Variants in ROBO2 observed in about 807,000 individuals in gnomAD.
The protein encoded by ROBO2 is roundabout homolog 2.
Under a neutral mutation model 160.8 loss-of-function variants are expected in ROBO2, and 53 were observed. The ratio of observed to expected loss-of-function variants is 0.33; its 90% confidence interval spans 0.26 to 0.41. The LOEUF (loss-of-function observed/expected upper bound fraction) is 0.41, where lower values mean the gene tolerates loss of function less well. Among genes scored for constraint, ROBO2 ranks in the 10% least tolerant of loss-of-function variants. The pLI, the probability that ROBO2 is intolerant of heterozygous loss-of-function variation, is 1.00. For synonymous variants in ROBO2, 664 were observed against 611.7 expected, an observed-to-expected ratio of 1.09 and a Z score of -1.26; for missense variants, 1,577 against 1,722.4, an observed-to-expected ratio of 0.92 and a Z score of 1.49.
intron 2 of ROBO2, among the ~76,000 whole-genome samples, chr3:76,248,940 A>G (rs1410347715): frequency 1.3e-5 from 2 of 152,104 alleles, no homozygotes; most frequent in Non-Finnish European, 2.9e-5. Flanking sequence ...ATATGTGTTC[A>G]ATCATCAAAA....
rs528789817 is a variant in ROBO2, at chr3:75,972,803, GA to G, written c.109+35205del. On this transcript the variant is annotated intron_variant, in intron 2 of 26. Coordinates refer to the ROBO2 transcript ENST00000487694. ...GTAACTCCATTGCGTAGTGGAGTTT[GA>G]AAACCACTGCTGTGGACAAACAACC... is the stretch of plus-strand genomic sequence containing the variant. Among the ~76,000 whole-genome samples the G allele has an allele frequency of 8.6e-4, 131 of 151,696 alleles. 1 individual carries two copies. Among genetic ancestry groups the G allele is most frequent in the African/African-American group, 3.0e-3 (125 of 41,464 alleles).
chr3:77,472,578 A>G (rs145632224), intron 2 of ROBO2, among the ~76,000 whole-genome samples: 1 of 152,316 alleles, frequency 6.6e-6, no homozygotes, highest in East Asian at 1.9e-4. Context: ...CAGCTCACAT[A>G]TGGAAGTGAA....
chr3:75,943,562 A>G (rs552204384), intron 2 of ROBO2, among the ~76,000 whole-genome samples: 10 of 152,344 alleles, frequency 6.6e-5, no homozygotes, highest in South Asian at 4.1e-4. Flanking sequence ...GTCATTGTCT[A>G]TGACACATTT....
intron 1 of ROBO2, among the ~76,000 whole-genome samples, chr3:77,085,875 G>A (rs1227140832): frequency 6.6e-6 from 1 of 152,036 alleles, no homozygotes; most frequent in Non-Finnish European, 1.5e-5. Context: ...GAAACTACTG[G>A]TAAAAGTGCA....
intron 2 of ROBO2, among the ~76,000 whole-genome samples, chr3:75,945,588 C>T (rs1467674678): frequency 6.6e-6 from 1 of 152,010 alleles, no homozygotes; most frequent in Non-Finnish European, 1.5e-5. Context: ...TATTCTCTTG[C>T]AATTGACTAC....
In ROBO2 at chr3:76,213,831, G is replaced by C. The variant is rs181179032; in HGVS notation, c.109+276229G>C. On this transcript the variant is annotated intron_variant, in intron 2 of 26. Transcript: ENST00000487694. ...ATTAAGCAAAGGAATACAAAACACA[G>C]AGAATAGCAATGTTGGACCCTATGC... is the stretch of plus-strand genomic sequence containing the variant. Among the ~76,000 whole-genome samples, 66 of 152,256 alleles carry C rather than the reference G, an allele frequency of 4.3e-4. 1 individual carries two copies. The highest frequency in any genetic ancestry group is 1.6e-3 in the African/African-American group (65 of 41,554).
intron 9 of ROBO2, among the ~76,000 whole-genome samples, chr3:77,561,031 C>T (rs1026790220): frequency 6.6e-6 from 1 of 151,966 alleles, no homozygotes; most frequent in African/African-American, 2.4e-5. Context: ...AATGGCTATC[C>T]CCATCTTCCC....
intron 2 of ROBO2, among the ~76,000 whole-genome samples, chr3:76,649,261 C>T (rs184191724): frequency 6.6e-6 from 1 of 152,170 alleles, no homozygotes; most frequent in African/African-American, 2.4e-5. Context: ...ATGAATTAGC[C>T]ATGTTCAGAA....
chr3:77,517,672 G>T (rs1022423604), intron 5 of ROBO2, among the ~76,000 whole-genome samples: 5 of 151,502 alleles, frequency 3.3e-5, no homozygotes, highest in Non-Finnish European at 5.9e-5. Context: ...GTCAACTGTG[G>T]TTCAAAAATA....
chr3:76,253,139 A>C (rs963064008), intron 2 of ROBO2, among the ~76,000 whole-genome samples: 2 of 152,110 alleles, frequency 1.3e-5, no homozygotes, highest in Non-Finnish European at 2.9e-5. Flanking sequence ...TAATGCTATC[A>C]CAGATCAGCC....
chr3:76,079,848 G>T (rs1356916079), intron 2 of ROBO2, among the ~76,000 whole-genome samples: 1 of 151,980 alleles, frequency 6.6e-6, no homozygotes, highest in Non-Finnish European at 1.5e-5. Context: ...AAGAAAAAAA[G>T]AAAGAAGGAA....
chr3:76,036,057 AT>A (rs1006866938), intron 2 of ROBO2, among the ~76,000 whole-genome samples: 3 of 152,018 alleles, frequency 2.0e-5, no homozygotes, highest in Non-Finnish European at 4.4e-5. Context: ...CTGAAAAAAA[AT>A]CAATTAATAA....
At chr3:76,339,569 T>C (rs1372407352) in intron 2 of ROBO2, among the ~76,000 whole-genome samples, 1 of 152,132 alleles carries the variant, frequency 6.6e-6, no homozygotes, top group African/African-American at 2.4e-5. Context: ...CTGCCCTCTA[T>C]GTGTTAATTT....
intron 2 of ROBO2, among the ~76,000 whole-genome samples, chr3:76,558,458 T>C (rs2083946714): frequency 6.6e-6 from 1 of 152,144 alleles, no homozygotes; most frequent in Non-Finnish European, 1.5e-5. Flanking sequence ...ATATTTTATA[T>C]GGCATAAAGC....
intron 2 of ROBO2, among the ~76,000 whole-genome samples, chr3:77,453,828 T>C (rs2081349132): frequency 6.6e-6 from 1 of 152,156 alleles, no homozygotes. Flanking sequence ...TTAATTTTTA[T>C]CAATTGACTG....
At chr3:77,582,466 T>C (rs1171648614) in intron 16 of ROBO2, among the ~76,000 whole-genome samples, 5 of 152,194 alleles carry the variant, frequency 3.3e-5, no homozygotes, top group Non-Finnish European at 5.9e-5. Flanking sequence ...ATGTAATCAT[T>C]GGTGTGTTTG....
At chr3:76,201,892 A>C (rs1168988094) in intron 2 of ROBO2, among the ~76,000 whole-genome samples, 1 of 11,584 alleles carries the variant, frequency 8.6e-5, no homozygotes, top group African/African-American at 1.4e-4. Context: ...GAAATGTCAA[A>C]AAAAAAAAAA....
intron 2 of ROBO2, among the ~76,000 whole-genome samples, chr3:76,584,040 C>T (rs910634372): frequency 6.6e-6 from 1 of 152,132 alleles, no homozygotes. Context: ...TCTTCAAACT[C>T]TCCTCCTTGC....
At chr3:76,767,273 AT>A (rs2061626047) in intron 2 of ROBO2, among the ~76,000 whole-genome samples, 1 of 151,582 alleles carries the variant, frequency 6.6e-6, no homozygotes, top group Non-Finnish European at 1.5e-5. Flanking sequence ...TTTACAATTT[AT>A]TGCCTTTGTT....
Sources: gnomAD v4.1 joint callset for allele counts (sites outside exome capture counted in the v4.1 genomes callset) on GRCh38, gnomAD v4.1.1 for gene constraint, MANE v1.5 for transcripts, NCBI Gene and HGNC (gene_info 2026-07-23, HGNC 2026-07-21) for gene names.